Variants in PSMA7 observed in about 807,000 individuals in gnomAD.
The protein encoded by PSMA7 is proteasome 20S subunit alpha 7.
PSMA7 carries 5 observed loss-of-function variants against 31.3 expected under a neutral mutation model. The observed-to-expected ratio is 0.16, with a 90% confidence interval of 0.08 to 0.34. PSMA7 has a LOEUF of 0.34. Among genes scored for constraint, PSMA7 ranks in the 10% least tolerant of loss-of-function variants. The pLI, the probability that PSMA7 is intolerant of heterozygous loss-of-function variation, is 1.00. For synonymous variants in PSMA7, 155 were observed against 121.9 expected (o/e 1.27, Z -1.79); for missense variants, 217 against 327.5 (o/e 0.66, Z 2.60).
In PSMA7 at chr20:62,136,794, C is replaced by CACATCG; in HGVS notation, c.*57_*62dup. 1 of 1,542,518 alleles carries CACATCG rather than the reference C, an allele frequency of 6.5e-7. No homozygotes were observed. ...TGAATAAATGGAATGGAAAGGCCTA[C>CACATCG]ACATCGAGACTCATCCATGATTGAT... On this transcript the variant is annotated 3_prime_UTR_variant, in exon 7 of 7. Coordinates refer to ENST00000370873, the MANE Select transcript of PSMA7 (RefSeq NM_002792.4).
At chr20:62,141,800 T>C (rs1234949442) in intron 1 of PSMA7, among the ~76,000 whole-genome samples, 1 of 152,224 alleles carries the variant, frequency 6.6e-6, no homozygotes, top group Non-Finnish European at 1.5e-5. Context: ...CCCAAACTGT[T>C]TATGGCTGAT....
chr20:62,138,281 T>C lies in PSMA7; in HGVS notation c.481A>G (p.Ile161Val), dbSNP rs202221419. The change falls in exon 5 of 7, where the codon ATA becomes GTA. Residue 161 changes from isoleucine (I) to valine (V), a missense_variant. Ile to Val is a conservative substitution (Grantham distance 29). Around this residue, in one of 3 missense-constraint regions of PSMA7, gnomAD observed 88 missense variants for 111.6 expected, o/e 0.79. Transcript: ENST00000370873. The part of the protein sequence containing the change: ...GTYHAWKANA[I>V]GRGAKSVREF... The stretch of plus-strand genomic sequence containing the variant: ...CGCACTGACTTGGCACCCCGACCTA[T>C]GGCATTGGCCTAAAACAGACACGTA... 1 of 1,609,018 alleles carries C rather than the reference T, an allele frequency of 6.2e-7. No individual in the cohort carries two copies. The highest frequency in any genetic ancestry group is 2.2e-5 in the East Asian group (1 of 44,832).
intron 3 of PSMA7, 109 bp downstream of exon 3, chr20:62,139,672 G>A: frequency 1.3e-6 from 2 of 1,566,144 alleles, no homozygotes; most frequent in East Asian, 4.5e-5. Flanking sequence ...TCACGCCCCA[G>A]AATAAATCAG....
At chr20:62,139,237 A>ATT (rs770773568) in intron 3 of PSMA7, 40 bp from the exon 4 acceptor site, 5 of 1,598,714 alleles carry the variant, frequency 3.1e-6, no homozygotes, top group Non-Finnish European at 3.4e-6. Flanking sequence ...TCCAATTAAG[A>ATT]AACTGCATGT....
Position 62,139,764 on chromosome 20 carries a change from A to G in PSMA7, c.348+17T>C. 1 of 1,613,872 alleles carries G rather than the reference A, an allele frequency of 6.2e-7. No homozygotes were observed. The highest frequency in any genetic ancestry group is 8.5e-7 in the Non-Finnish European group (1 of 1,180,018). ...CCCTGCTGCCAGAGGTGAGCATGCAAGCGGGCAGGCACCCACCTGCTTCAG... is the reference window on the plus strand; with the variant it reads ...CCCTGCTGCCAGAGGTGAGCATGCAGGCGGGCAGGCACCCACCTGCTTCAG... On this transcript the variant is annotated intron_variant, in intron 3 of 6. Coordinates refer to ENST00000370873, the MANE Select transcript of PSMA7 (RefSeq NM_002792.4).
At chr20:62,137,089 A>T in intron 6 of PSMA7, 140 bp from the exon 7 acceptor site, 1 of 1,225,774 alleles carries the variant, frequency 8.2e-7, no homozygotes, top group Non-Finnish European at 1.2e-6. Flanking sequence ...AAACAAGAGG[A>T]TGCTGGCCTG....
At chr20:62,142,747 A>T (rs2056942576) in intron 1 of PSMA7, among the ~76,000 whole-genome samples, 2 of 152,158 alleles carry the variant, frequency 1.3e-5, no homozygotes, top group Non-Finnish European at 2.9e-5. Context: ...GGGTCCCCAT[A>T]AGGGGGGTTT....
chr20:62,136,890 T>C lies in PSMA7; in HGVS notation c.714A>G (p.Glu238=). ...YVAEIEKEKE[E]NEKKKQKKAS The stretch of plus-strand genomic sequence containing the variant: ...CTTTCTTTTGTTTCTTCTTTTCGTT[T>C]TCTTCTTTTTCTTTTTCAATTTCAG... Residue 238 remains glutamate (E), a synonymous_variant, in exon 7 of 7, where the codon GAA becomes GAG. Coordinates refer to ENST00000370873, the MANE Select transcript of PSMA7 (RefSeq NM_002792.4). The C allele has an allele frequency of 6.3e-7, 1 of 1,599,446 alleles. No individual in the cohort carries two copies. Among genetic ancestry groups the C allele is most frequent in the Non-Finnish European group, 8.5e-7 (1 of 1,175,024 alleles).
chr20:62,138,418 C>G, intron 4 of PSMA7, 128 bp from the exon 5 acceptor site: 1 of 1,262,594 alleles, frequency 7.9e-7, no homozygotes, highest in East Asian at 2.4e-5. Flanking sequence ...GAGTGCTGGA[C>G]AGCAGCTGTG....
Position 62,139,138 on chromosome 20 carries a change from G to A in PSMA7, c.408C>T (p.Phe136=), listed in dbSNP as rs372487613. The A allele has an allele frequency of 2.9e-5, 47 of 1,614,060 alleles. No individual in the cohort carries two copies. The highest frequency in any genetic ancestry group is 2.2e-4 in the East Asian group (10 of 44,884). The change falls in exon 4 of 7, where the codon TTC becomes TTT. Residue 136 remains phenylalanine, a synonymous_variant. Coordinates refer to ENST00000370873, the MANE Select transcript of PSMA7 (RefSeq NM_002792.4). ...PFGISALIVG[F]DFDGTPRLYQ... ...AGAGCCTAGGAGTGCCATCAAAGTC[G>A]AAACCCACGATGAGGGCAGAGATGC...
chr20:62,139,176 G>C lies in PSMA7; in HGVS notation c.370C>G (p.Arg124Gly). ...AGGGCAGAGATGCCAAACGGCCTGC[G>C]CCCATTGCTCTGCGTATAACGCTAG... Reference protein sequence around the residue: ...LKQRYTQSNGRRPFGISALIV... With the variant: ...LKQRYTQSNGGRPFGISALIV... The change falls in exon 4 of 7, where the codon CGC becomes GGC. Residue 124 changes from arginine (R) to glycine (G), a missense_variant. Arg to Gly is a moderately radical substitution (Grantham distance 125). This residue lies in a region of PSMA7 where 53 missense variants were observed against 119.4 expected (regional missense o/e 0.44). Coordinates refer to ENST00000370873, the MANE Select transcript of PSMA7 (RefSeq NM_002792.4). 6.2e-7 allele frequency: 1 copy of C among 1,614,190 alleles called. No individual in the cohort carries two copies. Among genetic ancestry groups the C allele is most frequent in the Non-Finnish European group, 8.5e-7 (1 of 1,180,000 alleles).
intron 1 of PSMA7, among the ~76,000 whole-genome samples, chr20:62,141,383 G>A (rs2056926589): frequency 6.6e-6 from 1 of 152,154 alleles, no homozygotes; most frequent in Admixed American, 6.5e-5. Context: ...TGGAAGGTGC[G>A]TTCACCCACA....
At chr20:62,140,988 G>C in intron 1 of PSMA7, 44 bp from the exon 2 acceptor site, 1 of 1,610,044 alleles carries the variant, frequency 6.2e-7, no homozygotes, top group South Asian at 1.1e-5. Context: ...TGATATGAGT[G>C]CTGGGTGCAG....
chr20:62,140,075 T>C (rs1312285613), intron 2 of PSMA7, among the ~76,000 whole-genome samples, 170 bp from the exon 3 acceptor site: 1 of 152,148 alleles, frequency 6.6e-6, no homozygotes, highest in Non-Finnish European at 1.5e-5. Context: ...TCCAGGAAAT[T>C]GGGTACAGAT....
chr20:62,140,032 A>G, intron 2 of PSMA7, 127 bp from the exon 3 acceptor site: 1 of 1,277,810 alleles, frequency 7.8e-7, no homozygotes, highest in East Asian at 2.5e-5. Flanking sequence ...ATTCTAACTG[A>G]CTGGCAGCGG....
intron 4 of PSMA7, among the ~76,000 whole-genome samples, chr20:62,138,641 G>A (rs1042945576): frequency 6.9e-6 from 1 of 145,310 alleles, no homozygotes; most frequent in Non-Finnish European, 1.5e-5. Context: ...TGCAACCTAT[G>A]CCTCTCGGGT....
chr20:62,143,076 T>TG (rs2056948694), intron 1 of PSMA7, 132 bp downstream of exon 1: 1 of 362,716 alleles, frequency 2.8e-6, no homozygotes, highest in African/African-American at 2.2e-5. Context: ...GCTACAGCCC[T>TG]GACCGCCCGC....
At chr20:62,143,097 C>A in intron 1 of PSMA7, 111 bp downstream of exon 1, 1 of 566,872 alleles carries the variant, frequency 1.8e-6, no homozygotes, top group Non-Finnish European at 2.3e-6. Context: ...GCCGCTGCCC[C>A]GCGCACGCCC....
chr20:62,137,267 AATGGC>A, intron 6 of PSMA7, 92 bp downstream of exon 6: 1 of 1,238,478 alleles, frequency 8.1e-7, no homozygotes, highest in Non-Finnish European at 1.2e-6. Flanking sequence ...AAAACCACAG[AATGGC>A]CCTATGATGT....
Sources: gnomAD v4.1 joint callset for allele counts (sites outside exome capture counted in the v4.1 genomes callset) on GRCh38, gnomAD v4.1.1 for gene constraint, gnomAD v4.1.1 regional missense constraint, MANE v1.5 for transcripts, NCBI Gene and HGNC (gene_info 2026-07-23, HGNC 2026-07-21) for gene names.